Variants in OXNAD1 observed in about 807,000 individuals in gnomAD.
OXNAD1 encodes oxidoreductase NAD-binding domain-containing protein 1.
A neutral mutation model predicts 32.9 loss-of-function variants in OXNAD1; 34 were observed. That is an observed-to-expected ratio of 1.03 (90% CI 0.79 to 1.38). The LOEUF (loss-of-function observed/expected upper bound fraction) is 1.38. OXNAD1 is among the 40% of genes most tolerant of loss of function. The pLI is 0.00. For missense variants in OXNAD1, 407 were observed against 379.4 expected, an observed-to-expected ratio of 1.07 and a Z score of -0.60; for synonymous variants, 134 against 135.2, an observed-to-expected ratio of 0.99 and a Z score of 0.06.
intron 6 of OXNAD1, among the ~76,000 whole-genome samples, chr3:16,295,336 A>G (rs555580670): frequency 3.7e-4 from 56 of 152,288 alleles, no homozygotes; most frequent in African/African-American, 1.3e-3. Context: ...TAACCATCCT[A>G]AATAAAGGGA....
At chr3:16,273,285 C>T (rs2065082564) in intron 4 of OXNAD1, among the ~76,000 whole-genome samples, 2 of 151,870 alleles carry the variant, frequency 1.3e-5, no homozygotes, top group Admixed American at 1.3e-4. Context: ...GGACCAAAAA[C>T]TTGTTTCTTA....
At chr3:16,315,994 A>G (rs1367080972) in intron 9 of OXNAD1, 1 of 152,332 alleles carries the variant, frequency 6.6e-6, no homozygotes, top group African/African-American at 2.4e-5. Flanking sequence ...TCTGGACGAT[A>G]TACACATGAT....
At position 16,301,880 on chromosome 3, in the gene OXNAD1, A is replaced by G; in HGVS notation, c.675+12A>G. On this transcript the variant is annotated intron_variant, in intron 7 of 8. Transcript: ENST00000285083. The surrounding 1 kb of genome is among the most constrained non-coding windows in gnomAD (Gnocchi z 4.1). ...AACTCCTGTTTAAGGTAAGGGAGGT[A>G]TAGCTTGCTGTAAGCAAACTTGTGT... 2 of 1,611,184 alleles carry G rather than the reference A, an allele frequency of 1.2e-6. No homozygotes were observed. Among genetic ancestry groups the G allele is most frequent in the Non-Finnish European group, 1.7e-6 (2 of 1,177,860 alleles).
Position 16,269,263 on chromosome 3 carries a change from G to A in OXNAD1, c.-21G>A, listed in dbSNP as rs774824032. On this transcript the variant is annotated 5_prime_UTR_variant, in exon 2 of 9. In the 5' UTR this introduces an upstream ATG that the reference lacks. Transcript: ENST00000285083. The stretch of plus-strand genomic sequence containing the variant: ...TATACTTAATGACTCCTAAAATCTC[G>A]TGGACTTCTAAGGTAAGTTTCAACT... 3.9e-6 allele frequency: 6 copies of A among 1,535,256 alleles called. No individual in the cohort carries two copies. The highest frequency in any genetic ancestry group is 1.2e-5 in the South Asian group (1 of 84,008).
chr3:16,315,756 A>T (rs1329956597), intron 9 of OXNAD1: 1 of 152,364 alleles, frequency 6.6e-6, no homozygotes, highest in South Asian at 2.1e-4. Flanking sequence ...GCCAGGAGTT[A>T]GAAACTTATA....
chr3:16,347,227 A>T (rs187812176), intron 9 of OXNAD1, among the ~76,000 whole-genome samples: 27 of 152,342 alleles, frequency 1.8e-4, no homozygotes, highest in African/African-American at 6.3e-4. Flanking sequence ...GACTTTTCAC[A>T]TGCAAACATA....
rs768088462 is a variant in OXNAD1, at chr3:16,322,390, T to C, written c.*31-14722T>C. Among the ~76,000 whole-genome samples, 33 of 152,196 alleles carry C rather than the reference T, an allele frequency of 2.2e-4. 1 individual carries two copies. The highest frequency in any genetic ancestry group is 4.1e-4 in the Non-Finnish European group (28 of 68,028). On this transcript the variant is annotated intron_variant, in intron 9 of 9. Coordinates refer to the OXNAD1 transcript ENST00000435829. This position sits in a 1 kb window ranked among gnomAD's most constrained non-coding sequence, Gnocchi z 6.2. ...AATCTGTTCATTTACTTGATGCTCCTTCCCAGGGCTCTGTGTCCAAAGAAC... is the reference window on the plus strand; with the variant it reads ...AATCTGTTCATTTACTTGATGCTCCCTCCCAGGGCTCTGTGTCCAAAGAAC...
At chr3:16,319,270 C>G (rs1227972501) in intron 9 of OXNAD1, among the ~76,000 whole-genome samples, 1 of 152,150 alleles carries the variant, frequency 6.6e-6, no homozygotes, top group Non-Finnish European at 1.5e-5. Flanking sequence ...TCAGGGAAGT[C>G]AGAGGAAGTT....
chr3:16,349,733 T>G (rs915620174), exon 10 of OXNAD1: 1 of 152,252 alleles, frequency 6.6e-6, no homozygotes, highest in African/African-American at 2.4e-5. Context: ...CATCACAGCA[T>G]TTGTATCTGA....
rs1180304155 is a variant in OXNAD1, at chr3:16,344,873, AC to A, written c.*31-4297del. Among the ~76,000 whole-genome samples, 2 of 151,944 alleles carry A rather than the reference AC, an allele frequency of 1.3e-5. No homozygotes were observed. The highest frequency in any genetic ancestry group is 1.5e-5 in the Non-Finnish European group (1 of 67,976). On this transcript the variant is annotated intron_variant, in intron 9 of 9. Transcript: ENST00000606098. The surrounding 1 kb of genome is among the most constrained non-coding windows in gnomAD (Gnocchi z 4.4). ...TGAGTGAACACATAACTACAAGAAC[AC>A]CCCCCAACCTTTTATGCTCACTGAT...
downstream of OXNAD1, among the ~76,000 whole-genome samples, chr3:16,338,812 G>A (rs969916871): frequency 1.3e-5 from 2 of 152,174 alleles, no homozygotes; most frequent in African/African-American, 4.8e-5. The surrounding 1 kb of genome is among the most constrained non-coding windows in gnomAD (Gnocchi z 5.3). Flanking sequence ...CTTTTCCAAA[G>A]TGTATAATTA....
chr3:16,296,262 C>A (rs951925419), intron 6 of OXNAD1, among the ~76,000 whole-genome samples: 2 of 144,188 alleles, frequency 1.4e-5, no homozygotes, highest in African/African-American at 2.5e-5. Flanking sequence ...CAATGTAGGA[C>A]CCTCTTGCAA....
chr3:16,270,726 A>G (rs116081246), intron 2 of OXNAD1, among the ~76,000 whole-genome samples: 1 of 152,182 alleles, frequency 6.6e-6, no homozygotes, highest in Admixed American at 6.5e-5. Flanking sequence ...CAAAAATTAC[A>G]TACTTATATA....
rs1035977143 is a variant in OXNAD1 at position 16,305,828 on chromosome 3, G to T, written c.*2266G>T. The T allele has an allele frequency of 6.6e-6, 1 of 152,208 alleles. No individual in the cohort carries two copies. The highest frequency in any genetic ancestry group is 1.5e-5 in the Non-Finnish European group (1 of 68,040). The allele number at this position is 152,208 out of a possible 1,614,324, so 9.4% of individuals were successfully genotyped here. A position where few individuals can be genotyped will look rare whatever the true frequency, so the allele number is the denominator to read the frequency against. On this transcript the variant is annotated 3_prime_UTR_variant, in exon 9 of 9. Transcript: ENST00000285083. The surrounding 1 kb of genome is among the most constrained non-coding windows in gnomAD (Gnocchi z 4.5). ...CCTACCTACATGATAGGGCTGTTAC[G>T]GGGATTGAAGGTGATCATACATGTA...
intron 5 of OXNAD1, among the ~76,000 whole-genome samples, chr3:16,292,081 C>G (rs1386577345): frequency 2.0e-5 from 3 of 151,342 alleles, no homozygotes; most frequent in Admixed American, 6.6e-5. Flanking sequence ...TTGGTTGTCT[C>G]TTTATTACTG....
intron 9 of OXNAD1, among the ~76,000 whole-genome samples, chr3:16,325,783 A>G (rs1208146496): frequency 6.6e-6 from 1 of 152,210 alleles, no homozygotes; most frequent in African/African-American, 2.4e-5. Context: ...AGGGACTAGG[A>G]AAGACATCAG....
chr3:16,300,133 G>A (rs746498705), intron 6 of OXNAD1, among the ~76,000 whole-genome samples: 13 of 152,182 alleles, frequency 8.5e-5, no homozygotes, highest in South Asian at 2.1e-4. Context: ...TTACCAACTC[G>A]GTCAGATCCA....
rs2065949674 is a variant in OXNAD1 at position 16,284,530 on chromosome 3, AAC to A, written c.184-1810_184-1809del. 6.6e-6 allele frequency among the ~76,000 whole-genome samples: 1 copy of A among 152,230 alleles called. No homozygotes were observed. Among genetic ancestry groups the A allele is most frequent in the Admixed American group, 6.5e-5 (1 of 15,286 alleles). Reference sequence around the variant, plus strand: ...TTGTAACACAATATTTGTGTGTCTAAACATAGAAAAATAGTAAAAATCTGGTA... The same window carrying A: ...TTGTAACACAATATTTGTGTGTCTAAATAGAAAAATAGTAAAAATCTGGTA... On this transcript the variant is annotated intron_variant, in intron 4 of 8. Transcript: ENST00000285083. This position sits in a 1 kb window ranked among gnomAD's most constrained non-coding sequence, Gnocchi z 4.1.
intron 9 of OXNAD1, among the ~76,000 whole-genome samples, chr3:16,315,314 C>T (rs935841665): frequency 5.9e-5 from 9 of 152,148 alleles, no homozygotes; most frequent in Non-Finnish European, 1.3e-4. Context: ...CGGGGTTTCA[C>T]CACGTTGGCC....
Sources: gnomAD v4.1 joint callset for allele counts (sites outside exome capture counted in the v4.1 genomes callset) on GRCh38, gnomAD v4.1.1 for gene constraint, Gnocchi (gnomAD v3.1) non-coding constraint, MANE v1.5 for transcripts, NCBI Gene and HGNC (gene_info 2026-07-23, HGNC 2026-07-21) for gene names.